ITPRID2: variants seen among roughly 807,000 people sequenced by gnomAD.
The protein encoded by ITPRID2 is ITPR interacting domain containing 2, also known as protein ITPRID2.
A neutral mutation model predicts 124.3 loss-of-function variants in ITPRID2; 60 were observed. The observed-to-expected ratio is 0.48, with a 90% CI of 0.39 to 0.60. The LOEUF (loss-of-function observed/expected upper bound fraction) is 0.60, where lower values mean the gene tolerates loss of function less well. Among genes scored for constraint, ITPRID2 ranks in the 20% least tolerant of loss-of-function variants. The pLI is 0.00. For synonymous variants in ITPRID2, 521 were observed against 542.9 expected (o/e 0.96, Z 0.56); for missense variants, 1,553 against 1,512.2 (o/e 1.03, Z -0.45).
At chr2:181,914,397 A>G (rs1244525756) in intron 10 of ITPRID2, among the ~76,000 whole-genome samples, 4 of 152,232 alleles carry the variant, frequency 2.6e-5, no homozygotes, top group Non-Finnish European at 5.9e-5. Flanking sequence ...CATATAGTCT[A>G]TATGTAGAGT....
Position 181,900,841 on chromosome 2 carries a change from A to G in ITPRID2, c.649A>G (p.Lys217Glu). 1 of 1,613,168 alleles carries G rather than the reference A, an allele frequency of 6.2e-7. No homozygotes were observed. The highest frequency in any genetic ancestry group is 8.5e-7 in the Non-Finnish European group (1 of 1,179,590). Reference protein sequence around the residue: ...SSSFAKGIDIKVFLSAQMQRM... With the variant: ...SSSFAKGIDIEVFLSAQMQRM... The stretch of plus-strand genomic sequence containing the variant: ...ATCCTTTGCCAAAGGGATAGATATT[A>G]AAGTATTTTTGAGTGCTCAGATGCA... Residue 217 changes from lysine to glutamate, a missense_variant, in exon 7 of 18, where the codon AAA becomes GAA. Lys to Glu is a moderately conservative substitution (Grantham distance 56). Transcript: ENST00000431877.
chr2:181,914,209 CTG>C (rs1693850656), intron 10 of ITPRID2, among the ~76,000 whole-genome samples: 1 of 152,036 alleles, frequency 6.6e-6, no homozygotes, highest in African/African-American at 2.4e-5. Flanking sequence ...CCTGTTTTGT[CTG>C]TTGTTTTTCT....
In ITPRID2 at chr2:181,930,613, G is replaced by T. The variant is rs1200447892; in HGVS notation, c.*1066G>T. On this transcript the variant is annotated 3_prime_UTR_variant, in exon 18 of 18. Transcript: ENST00000431877. Reference sequence around the variant, plus strand: ...GTGTGTGATATTTTAATCAAAAGTGGTTGAGTTGTTAACAGTGTTCTTTGA... The same window carrying T: ...GTGTGTGATATTTTAATCAAAAGTGTTTGAGTTGTTAACAGTGTTCTTTGA... 6.6e-6 allele frequency: 1 copy of T among 152,470 alleles called. No homozygotes were observed. Among genetic ancestry groups the T allele is most frequent in the East Asian group, 1.9e-4 (1 of 5,186 alleles). The allele number at this position is 152,470 out of a possible 1,614,324, so 9.4% of individuals were successfully genotyped here. A position where few individuals can be genotyped will look rare whatever the true frequency, so the allele number is the denominator to read the frequency against.
At position 181,896,542 on chromosome 2, in the gene ITPRID2, C is replaced by T. The variant is rs76297184; in HGVS notation, c.308-366C>T. Among the ~76,000 whole-genome samples, 515 of 152,046 alleles carry T rather than the reference C, an allele frequency of 3.4e-3. 3 individuals carry two copies. The highest frequency in any genetic ancestry group is 0.012 in the African/African-American group (491 of 41,528). On this transcript the variant is annotated intron_variant, in intron 3 of 17. Transcript: ENST00000431877. This position sits in a 1 kb window ranked among gnomAD's most constrained non-coding sequence, Gnocchi z 4.3. ...GCATATAAAAAAACATTTACAGTGT[C>T]AGGAAAATCCAGCTCCTGACTTAAT...
rs1355148489 is a variant in ITPRID2 at position 181,916,430 on chromosome 2, A to T, written c.2787+3A>T. The T allele has an allele frequency of 1.2e-6, 2 of 1,609,684 alleles. No homozygotes were observed. Among genetic ancestry groups the T allele is most frequent in the Non-Finnish European group, 1.7e-6 (2 of 1,177,390 alleles). The stretch of plus-strand genomic sequence containing the variant: ...ACTCACTGCAGAATCTTTCACAGGT[A>T]TGAGAAAAAGTATGTTATCATTAGC... On this transcript the variant is annotated splice_donor_region_variant and intron_variant, in intron 11 of 17. Transcript: ENST00000431877.
chr2:181,912,274 G>T (rs1259230086), intron 9 of ITPRID2, among the ~76,000 whole-genome samples: 3 of 152,174 alleles, frequency 2.0e-5, no homozygotes, highest in Non-Finnish European at 4.4e-5. Context: ...CTAGTTTAAA[G>T]ATATGAAAAT....
chr2:181,911,547 T>C (rs926018706), intron 9 of ITPRID2, among the ~76,000 whole-genome samples: 2 of 152,222 alleles, frequency 1.3e-5, no homozygotes, highest in South Asian at 2.1e-4. Flanking sequence ...TTTATGATGA[T>C]ACTAGACAAA....
Position 181,896,862 on chromosome 2 carries a change from G to A in ITPRID2, c.308-46G>A. 1 of 1,453,838 alleles carries A rather than the reference G, an allele frequency of 6.9e-7. No homozygotes were observed. Among genetic ancestry groups the A allele is most frequent in the Non-Finnish European group, 9.7e-7 (1 of 1,035,582 alleles). 90.1% of individuals were successfully genotyped at this position (1,453,838 alleles called of 1,614,324 possible). On this transcript the variant is annotated intron_variant, in intron 3 of 17. Transcript: ENST00000431877. This position sits in a 1 kb window ranked among gnomAD's most constrained non-coding sequence, Gnocchi z 4.3. ...TAAAACAGTGATTTTATATGAGGGT[G>A]GAGAGGAACAGAACACCAGGATGAG...
intron 8 of ITPRID2, among the ~76,000 whole-genome samples, chr2:181,904,969 A>G (rs1476517263): frequency 6.6e-6 from 1 of 152,150 alleles, no homozygotes; most frequent in East Asian, 1.9e-4. Context: ...AAAAGGCCAG[A>G]GACTTTCAGT....
chr2:181,928,868 C>T (rs943805758), intron 17 of ITPRID2, among the ~76,000 whole-genome samples: 5 of 152,052 alleles, frequency 3.3e-5, no homozygotes, highest in Admixed American at 6.6e-5. Flanking sequence ...CCTCGTGATC[C>T]GCCCGCCTCG....
intron 4 of ITPRID2, 118 bp from the exon 5 acceptor site, chr2:181,898,762 T>C (rs1692417637): frequency 2.6e-6 from 2 of 782,956 alleles, no homozygotes; most frequent in South Asian, 1.6e-5. Flanking sequence ...AGATAAGTGT[T>C]TAATATATTT....
In ITPRID2 at chr2:181,896,988, A is replaced by G. The variant is rs373645543; in HGVS notation, c.364+24A>G. 28 of 1,600,020 alleles carry G rather than the reference A, an allele frequency of 1.7e-5. No individual in the cohort carries two copies. Among genetic ancestry groups the G allele is most frequent in the Non-Finnish European group, 2.3e-5 (27 of 1,168,364 alleles). On this transcript the variant is annotated intron_variant, in intron 4 of 17. Coordinates refer to ENST00000431877, the MANE Select transcript of ITPRID2 (RefSeq NM_001130445.3). This position sits in a 1 kb window ranked among gnomAD's most constrained non-coding sequence, Gnocchi z 4.3. ...AGGTATGTTTGTTTGGAAGAACTGTATTTTTGTGTAGTTTTCAAATTTAAA... is the reference window on the plus strand; with the variant it reads ...AGGTATGTTTGTTTGGAAGAACTGTGTTTTTGTGTAGTTTTCAAATTTAAA...
At position 181,891,745 on chromosome 2, in the gene ITPRID2, G is replaced by C. The variant is rs1265468273; in HGVS notation, c.-322G>C. ...GAAGGCGCGCAGACGCGCAGCGGCC[G>C]GCCTGCTCCGGGCGCGTCAGGCAGG... On this transcript the variant is annotated 5_prime_UTR_variant, in exon 1 of 18. Coordinates refer to ENST00000431877, the MANE Select transcript of ITPRID2 (RefSeq NM_001130445.3). The C allele has an allele frequency of 1.9e-5, 3 of 154,310 alleles. No homozygotes were observed. Among genetic ancestry groups the C allele is most frequent in the African/African-American group, 7.3e-5 (3 of 41,220 alleles). 9.6% of individuals were successfully genotyped at this position (154,310 alleles called of 1,614,324 possible).
Position 181,913,935 on chromosome 2 carries a change from T to TA in ITPRID2, c.1575+6dup, listed in dbSNP as rs1693829211. 2 of 1,609,092 alleles carry TA rather than the reference T, an allele frequency of 1.2e-6. No homozygotes were observed. The highest frequency in any genetic ancestry group is 2.2e-5 in the South Asian group (2 of 90,470). On this transcript the variant is annotated splice_region_variant and intron_variant, in intron 10 of 17. Transcript: ENST00000431877. ...TGCCTATCCCTTAATCATCTTCAGG[T>TA]AAAATTTTCTGTTCTAATAGGCACT...
At chr2:181,898,845 C>G (rs758466091) in intron 4 of ITPRID2, 35 bp from the exon 5 acceptor site, 1 of 1,516,704 alleles carries the variant, frequency 6.6e-7, no homozygotes, top group Non-Finnish European at 9.1e-7. Context: ...GTCCTACTAA[C>G]AATTGTGCTC....
intron 9 of ITPRID2, 39 bp from the exon 10 acceptor site, chr2:181,913,806 G>T (rs1409500616): frequency 6.9e-7 from 1 of 1,456,300 alleles, no homozygotes. Flanking sequence ...TTTATTTATA[G>T]ATCATCTGTT....
rs1205432600 is a variant in ITPRID2, at chr2:181,892,338, C to T, written c.211+61C>T. The stretch of plus-strand genomic sequence containing the variant: ...GTGGGCTGGGGAGAGTCTCGTGCGC[C>T]CTGGGCGCCTGCCACGAGTTCTGGG... On this transcript the variant is annotated intron_variant, in intron 1 of 17. Transcript: ENST00000431877. The surrounding 1 kb of genome is among the most constrained non-coding windows in gnomAD (Gnocchi z 5.2). 27 of 1,470,424 alleles carry T rather than the reference C, an allele frequency of 1.8e-5. No homozygotes were observed. In the Middle Eastern group the frequency reaches 7.1e-4, roughly 39 times the overall value. 91.1% of individuals were successfully genotyped at this position (1,470,424 alleles called of 1,614,324 possible).
chr2:181,918,607 A>G lies in ITPRID2; in HGVS notation c.2797A>G (p.Met933Val), dbSNP rs139216081. 4.7e-4 allele frequency: 756 copies of G among 1,613,942 alleles called. 3 individuals are homozygous for G. The African/African-American group carries it at 9.3e-3, about 20-fold the overall frequency. Reference sequence around the variant, plus strand: ...TTTTACTTTTTTGAAGTACCCTATGATGAGAGGACCTGATCCTGCTGCTGC... The same window carrying G: ...TTTTACTTTTTTGAAGTACCCTATGGTGAGAGGACCTGATCCTGCTGCTGC... ...SLQNLSQYPM[M>V]RGPDPAAAPY... Residue 933 changes from methionine (M) to valine (V), a missense_variant, in exon 12 of 18, where the codon ATG becomes GTG. Coordinates refer to ENST00000431877, the MANE Select transcript of ITPRID2 (RefSeq NM_001130445.3).
intron 15 of ITPRID2, 126 bp from the exon 16 acceptor site, chr2:181,921,822 A>G (rs1431023879): frequency 3.6e-6 from 3 of 835,748 alleles, no homozygotes; most frequent in East Asian, 5.4e-5. Flanking sequence ...TATTAAATTA[A>G]TGGAATAGAT....
Sources: allele counts gnomAD v4.1 joint callset (sites outside exome capture counted in the v4.1 genomes callset), GRCh38; gene constraint gnomAD v4.1.1; non-coding constraint Gnocchi (gnomAD v3.1); transcripts MANE v1.5; gene names NCBI Gene and HGNC (gene_info 2026-07-23, HGNC 2026-07-21).